Variants in ARHGEF18 observed in about 807,000 individuals in gnomAD.
ARHGEF18 encodes the protein rho guanine nucleotide exchange factor 18.
ARHGEF18 carries 93 observed loss-of-function variants against 155.7 expected under a neutral mutation model. That is an observed-to-expected ratio of 0.60 (90% CI 0.50 to 0.71). ARHGEF18 has a LOEUF of 0.71. ARHGEF18 is among the 30% of genes least tolerant of loss of function. The pLI, the probability that ARHGEF18 is intolerant of heterozygous loss-of-function variation, is 0.00. For synonymous variants in ARHGEF18, 742 were observed against 753.1 expected (o/e 0.99, Z 0.24); for missense variants, 1,593 against 1,816.1 (o/e 0.88, Z 2.23).
chr19:7,385,871 C>CTCTCTCT (rs1568285796), intron 10 of ARHGEF18, among the ~76,000 whole-genome samples: 1 of 66,678 alleles, frequency 1.5e-5, no homozygotes, highest in Non-Finnish European at 2.6e-5. Context: ...CTCTCTCTCT[C>CTCTCTCT]CCCCCTCCCT....
intron 15 of ARHGEF18, among the ~76,000 whole-genome samples, chr19:7,450,658 C>A: frequency 1.3e-5 from 2 of 152,310 alleles, no homozygotes; most frequent in Non-Finnish European, 1.5e-5. Context: ...CGGGATCTTG[C>A]TGTCCATTTC....
intron 2 of ARHGEF18, among the ~76,000 whole-genome samples, chr19:7,367,913 TTA>T (rs1483958126): frequency 1.1e-5 from 1 of 94,478 alleles, no homozygotes; most frequent in East Asian, 2.3e-4. Context: ...TATATATATT[TTA>T]TATATATATA....
At chr19:7,415,236 C>A (rs1474475795) in intron 10 of ARHGEF18, among the ~76,000 whole-genome samples, 1 of 152,090 alleles carries the variant, frequency 6.6e-6, no homozygotes, top group Non-Finnish European at 1.5e-5. Context: ...CCTGGGTTCT[C>A]CCGGGCTTCA....
At chr19:7,363,063 T>G (rs1478586730) in intron 2 of ARHGEF18, among the ~76,000 whole-genome samples, 158 bp downstream of exon 2, 1 of 152,032 alleles carries the variant, frequency 6.6e-6, no homozygotes, top group Non-Finnish European at 1.5e-5. Context: ...GTTTTACCTA[T>G]GAGGAAACCA....
chr19:7,439,888 T>C, intron 10 of ARHGEF18: 1 of 1,452,378 alleles, frequency 6.9e-7, no homozygotes, highest in African/African-American at 1.4e-5. Context: ...GGGGTTGTTT[T>C]TTTTTTCTGT....
rs118067879 is a variant in ARHGEF18, at chr19:7,378,143, G to A, written c.542-251G>A. Among the ~76,000 whole-genome samples, 835 of 152,214 alleles carry A rather than the reference G, an allele frequency of 5.5e-3. 2 individuals are homozygous for A. Among genetic ancestry groups the A allele is most frequent in the Non-Finnish European group, 1.0e-2 (677 of 67,996 alleles). ...TAAGCGTATCTCCTTCAGGCCACTT[G>A]GAGAGTCTGCTGATCTCACACACGT... On this transcript the variant is annotated intron_variant, in intron 5 of 28. Transcript: ENST00000668164.
chr19:7,446,766 G>C (rs7252672), intron 14 of ARHGEF18, among the ~76,000 whole-genome samples: 9,489 of 151,184 alleles, frequency 0.063, 782 homozygotes, highest in East Asian at 0.17. Context: ...GCGTGGTGGC[G>C]GCACCTGTAA....
At chr19:7,370,340 A>C (rs1196677714) in intron 2 of ARHGEF18, among the ~76,000 whole-genome samples, 6 of 151,760 alleles carry the variant, frequency 4.0e-5, no homozygotes, top group Admixed American at 1.3e-4. Context: ...CTAAAAATAC[A>C]AAAAAATTAG....
intron 10 of ARHGEF18, among the ~76,000 whole-genome samples, chr19:7,410,230 C>T (rs1253474029): frequency 1.3e-5 from 2 of 152,050 alleles, no homozygotes; most frequent in African/African-American, 4.8e-5. Flanking sequence ...GTTTTGCTGC[C>T]CTGCCTTCCG....
At position 7,458,498 on chromosome 19, in the gene ARHGEF18, C is replaced by T. The variant is rs763154096; in HGVS notation, c.2182-14C>T. 4.8e-5 allele frequency: 77 copies of T among 1,612,600 alleles called. No homozygotes were observed. Among genetic ancestry groups the T allele is most frequent in the Non-Finnish European group, 5.4e-5 (64 of 1,179,058 alleles). On this transcript the variant is annotated splice_polypyrimidine_tract_variant and intron_variant, in intron 18 of 28. Transcript: ENST00000668164. ...GGTAAAGGGTGACCTCCCCAATGCC[C>T]TCTACTCATGCAGGACTCAAAGCCA...
intron 10 of ARHGEF18, among the ~76,000 whole-genome samples, chr19:7,400,724 C>A (rs1449334461): frequency 2.0e-5 from 3 of 152,104 alleles, no homozygotes; most frequent in Non-Finnish European, 4.4e-5. Context: ...GCCCCAGCTA[C>A]TTGGGAGGCT....
chr19:7,416,740 C>G, intron 10 of ARHGEF18, among the ~76,000 whole-genome samples: 1 of 146,934 alleles, frequency 6.8e-6, no homozygotes, highest in East Asian at 2.1e-4. Context: ...GTAGCTGGGA[C>G]TACAGGTGCC....
chr19:7,478,394 G>A, the ARHGEF18 span: 118 of 1,602,532 alleles, frequency 7.4e-5, no homozygotes, highest in Middle Eastern at 5.1e-4. Flanking sequence ...ACCAGAGCCC[G>A]AGGGAGGATG....
At chr19:7,472,955 G>A (rs1007200585), downstream of ARHGEF18, 7 of 455,702 alleles carry the variant, frequency 1.5e-5, no homozygotes, top group East Asian at 4.2e-4. Context: ...GCCCGCCTCA[G>A]CCTCCCAAAG....
At chr19:7,464,769 G>T (rs1212910948) in intron 23 of ARHGEF18, 79 bp downstream of exon 23, 1 of 1,569,064 alleles carries the variant, frequency 6.4e-7, no homozygotes, top group African/African-American at 1.4e-5. Context: ...TGCTGGGGTT[G>T]TCCAGTTTTA....
At chr19:7,467,170 G>A (rs1205860348) in intron 25 of ARHGEF18, 44 bp from the exon 26 acceptor site, 3 of 1,577,958 alleles carry the variant, frequency 1.9e-6, no homozygotes, top group Non-Finnish European at 2.6e-6. Flanking sequence ...GGTTGGCTGG[G>A]GCGCAGGTGC....
At chr19:7,446,925 AG>A (rs1975037311) in intron 14 of ARHGEF18, 117 bp from the exon 15 acceptor site, 1 of 1,305,116 alleles carries the variant, frequency 7.7e-7, no homozygotes, top group South Asian at 1.4e-5. Context: ...GAAGAAAGAA[AG>A]AAAATGGAAT....
chr19:7,477,602 C>T, the ARHGEF18 span, among the ~76,000 whole-genome samples: 4 of 152,184 alleles, frequency 2.6e-5, no homozygotes, highest in Non-Finnish European at 4.4e-5. Context: ...ACTGAGTCCC[C>T]ATCACCCCCC....
intron 10 of ARHGEF18, among the ~76,000 whole-genome samples, chr19:7,404,168 G>A (rs377052256): frequency 1.3e-5 from 2 of 152,090 alleles, no homozygotes; most frequent in South Asian, 2.1e-4. Flanking sequence ...TCTGTAAGAA[G>A]AAATGTGAAG....
Sources: allele counts gnomAD v4.1 joint callset (sites outside exome capture counted in the v4.1 genomes callset), GRCh38; gene constraint gnomAD v4.1.1; transcripts MANE v1.5; gene names NCBI Gene and HGNC (gene_info 2026-07-23, HGNC 2026-07-21).